Variants in ACSM2B observed in about 807,000 individuals in gnomAD.
ACSM2B encodes acyl-coenzyme A synthetase ACSM2B, mitochondrial.
A neutral mutation model predicts 78.6 loss-of-function variants in ACSM2B; 58 were observed. The observed-to-expected ratio is 0.74, with a 90% CI of 0.60 to 0.92. The LOEUF is 0.92. ACSM2B is among the 40% of genes least tolerant of loss of function. The pLI, the probability that ACSM2B is intolerant of heterozygous loss-of-function variation, is 0.00. For synonymous variants in ACSM2B, 257 were observed against 256.8 expected (o/e 1.00, Z -0.01); for missense variants, 688 against 711.2 (o/e 0.97, Z 0.37).
At chr16:20,537,720 C>G (rs1483572012) in intron 13 of ACSM2B, among the ~76,000 whole-genome samples, 1 of 152,180 alleles carries the variant, frequency 6.6e-6, no homozygotes, top group African/African-American at 2.4e-5. Flanking sequence ...TCAGTTTTCC[C>G]ACTGAGTAAG....
At chr16:20,555,117 A>AT in intron 4 of ACSM2B, 152 bp downstream of exon 4, 1 of 1,328,188 alleles carries the variant, frequency 7.5e-7, no homozygotes, top group Non-Finnish European at 1.0e-6. Context: ...GAAAAAAAAA[A>AT]CCCTTGTATT....
chr16:20,559,116 T>C (rs1198521432), intron 3 of ACSM2B, 121 bp downstream of exon 3: 12 of 1,453,498 alleles, frequency 8.3e-6, no homozygotes, highest in Non-Finnish European at 1.0e-5. Context: ...TCTTTCTTCA[T>C]ATGAGAGAGG....
chr16:20,557,341 T>A (rs2015505315), intron 3 of ACSM2B, among the ~76,000 whole-genome samples: 1 of 152,130 alleles, frequency 6.6e-6, no homozygotes, highest in African/African-American at 2.4e-5. Context: ...CAGCACCCAC[T>A]TGCTGAAATG....
rs1247592405 is a variant in ACSM2B, at chr16:20,552,292, G to A, written c.746C>T (p.Thr249Ile). The A allele has an allele frequency of 6.2e-7, 1 of 1,608,310 alleles. No individual in the cohort carries two copies. Residue 249 changes from threonine to isoleucine, a missense_variant, in exon 6 of 14, where the codon ACA becomes ATA. Physicochemically the swap from Thr to Ile is moderately conservative, Grantham distance 89. Coordinates refer to ENST00000329697, the MANE Select transcript of ACSM2B (RefSeq NM_001105069.2). ...GLKAKMDAGW[T>I]GLQASDIMWT... ...CATTATATCAGAGGCTTGCAGGCCT[G>A]TCCAACTGAAAACACAGACAAAACA...
intron 3 of ACSM2B, 109 bp downstream of exon 3, chr16:20,559,128 C>T: frequency 2.0e-6 from 3 of 1,472,394 alleles, no homozygotes; most frequent in Non-Finnish European, 2.7e-6. Context: ...TGAGAGAGGA[C>T]AGCATGCTCC....
chr16:20,554,248 A>G (rs2015403276), intron 4 of ACSM2B: 1 of 477,464 alleles, frequency 2.1e-6, no homozygotes, highest in Admixed American at 3.0e-5. Context: ...GAAATGAGCA[A>G]CTTGCTTAGC....
At position 20,555,490 on chromosome 16, in the gene ACSM2B, C is replaced by T; in HGVS notation, c.389-14G>A. 1 of 1,611,036 alleles carries T rather than the reference C, an allele frequency of 6.2e-7. No individual in the cohort carries two copies. Among genetic ancestry groups the T allele is most frequent in the Non-Finnish European group, 8.5e-7 (1 of 1,177,776 alleles). On this transcript the variant is annotated splice_polypyrimidine_tract_variant and intron_variant, in intron 3 of 13. Transcript: ENST00000329697. The stretch of plus-strand genomic sequence containing the variant: ...TAAAGATGAGACCTAAAGAAGCCAA[C>T]AATTTAGAGAATTGGAAAGGATGGT...
chr16:20,542,945 A>T lies in ACSM2B; in HGVS notation c.1478T>A (p.Val493Glu). 5.0e-6 allele frequency: 8 copies of T among 1,613,714 alleles called. No homozygotes were observed. The South Asian group carries it at 8.8e-5, about 18-fold the overall frequency. The change falls in exon 12 of 14, where the codon GTG becomes GAG. Residue 493 changes from valine to glutamate, a missense_variant. Val to Glu is a moderately radical substitution (Grantham distance 121, BLOSUM62 -2). Transcript: ENST00000329697. Reference sequence around the variant, plus strand: ...TCGGACGGGGTCTGGGCTGCTGATCACAGCCGTCTCAACCACAGCAGGGTG... The same window carrying T: ...TCGGACGGGGTCTGGGCTGCTGATCTCAGCCGTCTCAACCACAGCAGGGTG... ...MKHPAVVETA[V>E]ISSPDPVRGE... is the part of the protein sequence containing the mutation.
At chr16:20,553,234 A>G (rs1425039266) in intron 5 of ACSM2B, among the ~76,000 whole-genome samples, 1 of 152,218 alleles carries the variant, frequency 6.6e-6, no homozygotes, top group Non-Finnish European at 1.5e-5. Flanking sequence ...CTGATGATTT[A>G]TAGATATCAT....
chr16:20,546,418 C>A lies in ACSM2B; in HGVS notation c.1155G>T (p.Thr385=). ...TMKIKPGYMG[T]AASCYDVQVI... is the part of the protein sequence containing the mutation. ...CCTGTACATCATAACAGGAAGCAGC[C>A]GTTCCCATGTATCCTGGTTTGATTT... Residue 385 remains threonine, a synonymous_variant, in exon 9 of 14, where the codon ACG becomes ACT. Coordinates refer to ENST00000329697, the MANE Select transcript of ACSM2B (RefSeq NM_001105069.2). 6.2e-7 allele frequency: 1 copy of A among 1,608,800 alleles called. No individual in the cohort carries two copies. Among genetic ancestry groups the A allele is most frequent in the Non-Finnish European group, 8.5e-7 (1 of 1,176,646 alleles).
chr16:20,567,669 C>T (rs28380473), intron 1 of ACSM2B, among the ~76,000 whole-genome samples: 3,063 of 134,384 alleles, frequency 0.023, 134 homozygotes, highest in African/African-American at 0.08. Context: ...ATATACTATA[C>T]TATTATATAT....
At chr16:20,539,921 C>G (rs1172532686) in intron 13 of ACSM2B, among the ~76,000 whole-genome samples, 1 of 152,212 alleles carries the variant, frequency 6.6e-6, no homozygotes, top group Non-Finnish European at 1.5e-5. Context: ...CCTAGGAATG[C>G]CTGGGACTAG....
rs1264625019 is a variant in ACSM2B, at chr16:20,559,944, CAA to C, written c.178-499_178-498del. 2.8e-4 allele frequency among the ~76,000 whole-genome samples: 43 copies of C among 151,006 alleles called. 1 individual carries two copies. Among genetic ancestry groups the C allele is most frequent in the Admixed American group, 1.7e-3 (26 of 15,250 alleles). ...TCTTGAAAGAATTAGAATAAAAAGG[CAA>C]ATATCACTTTAGATTTATTTATATA... is the stretch of plus-strand genomic sequence containing the variant. On this transcript the variant is annotated intron_variant, in intron 2 of 13. Coordinates refer to ENST00000329697, the MANE Select transcript of ACSM2B (RefSeq NM_001105069.2).
At chr16:20,567,870 T>G (rs2015975960) in intron 1 of ACSM2B, among the ~76,000 whole-genome samples, 1 of 142,694 alleles carries the variant, frequency 7.0e-6, no homozygotes, top group Non-Finnish European at 1.5e-5. Context: ...TATATATAGA[T>G]ATATACTATA....
intron 3 of ACSM2B, among the ~76,000 whole-genome samples, chr16:20,556,180 C>A (rs1401106782): frequency 6.6e-6 from 1 of 152,114 alleles, no homozygotes; most frequent in Non-Finnish European, 1.5e-5. Flanking sequence ...GCATGCTGTA[C>A]AATTTATCTT....
At chr16:20,572,550 C>A (rs2152152975) in intron 1 of ACSM2B, among the ~76,000 whole-genome samples, 1 of 142,710 alleles carries the variant, frequency 7.0e-6, no homozygotes, top group East Asian at 2.2e-4. Context: ...TGACAATGTG[C>A]CTAGGCAATG....
In ACSM2B at chr16:20,564,660, T is replaced by G; in HGVS notation, c.177+9A>C. The G allele has an allele frequency of 1.9e-6, 3 of 1,613,514 alleles. No individual in the cohort carries two copies. The Middle Eastern group carries it at 5.0e-4, about 266-fold the overall frequency. ...TGTCTCACTCTGTGCCTCTTTTCCA[T>G]CCCATTACCTTCTCCATGTCAGCCC... is the stretch of plus-strand genomic sequence containing the variant. On this transcript the variant is annotated intron_variant, in intron 2 of 13. Transcript: ENST00000329697.
chr16:20,558,576 C>T (rs940450963), intron 3 of ACSM2B, among the ~76,000 whole-genome samples: 15 of 152,040 alleles, frequency 9.9e-5, no homozygotes, highest in Admixed American at 6.6e-4. Flanking sequence ...TGGCACAAGC[C>T]TCTCTATCTC....
At position 20,562,392 on chromosome 16, in the gene ACSM2B, C is replaced by A. The variant is rs12926939; in HGVS notation, c.177+2277G>T. On this transcript the variant is annotated intron_variant, in intron 2 of 13. Transcript: ENST00000329697. ...CAAAACATGTTAGCAATTTTATTAG[C>A]TATTTCAAAATTTGCCTCCATCAGA... Among the ~76,000 whole-genome samples the A allele has an allele frequency of 7.4e-3, 1,123 of 152,160 alleles. 9 individuals are homozygous for A. Among genetic ancestry groups the A allele is most frequent in the Middle Eastern group, 0.02 (6 of 294 alleles).
Sources: allele counts gnomAD v4.1 joint callset (sites outside exome capture counted in the v4.1 genomes callset), GRCh38; gene constraint gnomAD v4.1.1; transcripts MANE v1.5; gene names NCBI Gene and HGNC (gene_info 2026-07-23, HGNC 2026-07-21).